The following ANKRD50 variants were observed in gnomAD, a reference collection of about 807,000 sequenced individuals.
ANKRD50 encodes ankyrin repeat domain-containing protein 50.
In ANKRD50, 40 loss-of-function variants were observed where a neutral mutation model predicts 112.0. That is an observed-to-expected ratio of 0.36 (90% CI 0.28 to 0.46). ANKRD50 has a LOEUF of 0.46. Among genes scored for constraint, ANKRD50 ranks in the 20% least tolerant of loss-of-function variants. The pLI is 1.00. For missense variants in ANKRD50, 1,487 were observed against 1,701.7 expected, an observed-to-expected ratio of 0.87 and a Z score of 2.22; for synonymous variants, 613 against 619.1, an observed-to-expected ratio of 0.99 and a Z score of 0.15.
intron 2 of ANKRD50, among the ~76,000 whole-genome samples, chr4:124,679,502 A>T (rs1381293576): frequency 6.6e-6 from 1 of 152,184 alleles, no homozygotes; most frequent in African/African-American, 2.4e-5. Flanking sequence ...GCTTTACTCC[A>T]TTAATTAATG....
chr4:124,679,662 C>T (rs887375264), intron 2 of ANKRD50, among the ~76,000 whole-genome samples: 2 of 152,200 alleles, frequency 1.3e-5, no homozygotes, highest in Non-Finnish European at 1.5e-5. Flanking sequence ...GGACATAATC[C>T]ATCCAGTTAT....
chr4:124,678,982 T>C (rs1724811043), intron 2 of ANKRD50, 77 bp from the exon 3 acceptor site: 3 of 1,045,424 alleles, frequency 2.9e-6, no homozygotes, highest in Non-Finnish European at 4.2e-6. Flanking sequence ...AACATTAGAG[T>C]ATTAATTATA....
At chr4:124,703,903 T>G (rs1664151844) in intron 2 of ANKRD50, among the ~76,000 whole-genome samples, 1 of 151,950 alleles carries the variant, frequency 6.6e-6, no homozygotes, top group Non-Finnish European at 1.5e-5. Context: ...AGAGCAGAAG[T>G]GATTAGAGGT....
At chr4:124,683,360 T>C (rs1302565385) in intron 2 of ANKRD50, among the ~76,000 whole-genome samples, 1 of 151,902 alleles carries the variant, frequency 6.6e-6, no homozygotes, top group Non-Finnish European at 1.5e-5. Context: ...TGTGATATTT[T>C]GATACCTACA....
chr4:124,671,704 CTCTT>C lies in ANKRD50; in HGVS notation c.1569_1572del (p.Glu525IlefsTer7). On this transcript the variant is annotated frameshift_variant, in exon 4 of 5. Coordinates refer to ENST00000504087, the MANE Select transcript of ANKRD50 (RefSeq NM_020337.3). LOFTEE classifies it high-confidence loss of function. ...TCTAATAATGTCCGAATGGAATCCT[CTCTT>C]TCTAAGGCTTGTCGAACTATGCATG... is the stretch of plus-strand genomic sequence containing the variant. 6.2e-7 allele frequency: 1 copy of C among 1,613,856 alleles called. No individual in the cohort carries two copies.
intron 2 of ANKRD50, among the ~76,000 whole-genome samples, chr4:124,704,155 G>A (rs956541914): frequency 6.6e-6 from 1 of 152,132 alleles, no homozygotes; most frequent in Non-Finnish European, 1.5e-5. Flanking sequence ...AACATGTAAA[G>A]TTTTGATTAT....
chr4:124,688,382 A>G (rs1725053573), intron 2 of ANKRD50, among the ~76,000 whole-genome samples: 1 of 152,146 alleles, frequency 6.6e-6, no homozygotes, highest in African/African-American at 2.4e-5. Context: ...AGTTTACTAA[A>G]AAGGACAGCA....
At chr4:124,688,755 C>T (rs938862071) in intron 2 of ANKRD50, among the ~76,000 whole-genome samples, 20 of 152,132 alleles carry the variant, frequency 1.3e-4, no homozygotes, top group African/African-American at 4.8e-4. Flanking sequence ...CGAAGCCCAT[C>T]TAAACCTACT....
At chr4:124,687,441 G>T (rs757184332) in intron 2 of ANKRD50, among the ~76,000 whole-genome samples, 24 of 151,600 alleles carry the variant, frequency 1.6e-4, no homozygotes, top group Non-Finnish European at 1.9e-4. Flanking sequence ...ACTTTTAGGA[G>T]AAAATCTTTG....
Position 124,670,522 on chromosome 4 carries a change from C to A in ANKRD50, c.2755G>T (p.Val919Phe), listed in dbSNP as rs778976441. The change falls in exon 4 of 5, where the codon GTT (valine) becomes TTT (phenylalanine). Residue 919 changes from valine to phenylalanine, a missense_variant. This residue lies in a region of ANKRD50 where 1,046 missense variants were observed against 1,269.5 expected (regional missense o/e 0.82). Transcript: ENST00000504087. ...TCCCTGTGCCCTTCTAATGCAGCAA[C>A]CCGCAGTGCATTTCTTCCATCATAA... ...RGYDGRNALR[V>F]AALEGHRDIV... 2 of 1,613,518 alleles carry A rather than the reference C, an allele frequency of 1.2e-6. No individual in the cohort carries two copies. Among genetic ancestry groups the A allele is most frequent in the African/African-American group, 1.3e-5 (1 of 74,970 alleles).
chr4:124,678,798 G>A lies in ANKRD50; in HGVS notation c.620C>T (p.Ser207Phe). ...GCNITEGEQT[S>F]TSLSGTVAAL... ...TGCAACAGTCCCAGATAAGCTGGTAGACGTTTGTTCACCTTCAGTAATGTT... is the reference window on the plus strand; with the variant it reads ...TGCAACAGTCCCAGATAAGCTGGTAAACGTTTGTTCACCTTCAGTAATGTT... Residue 207 changes from serine to phenylalanine, a missense_variant, in exon 3 of 5, where the codon TCT (serine) becomes TTT (phenylalanine). Ser to Phe is a radical substitution (Grantham distance 155, BLOSUM62 -2). Coordinates refer to ENST00000504087, the MANE Select transcript of ANKRD50 (RefSeq NM_020337.3). 6.2e-7 allele frequency: 1 copy of A among 1,613,886 alleles called. No individual in the cohort carries two copies. Among genetic ancestry groups the A allele is most frequent in the Non-Finnish European group, 8.5e-7 (1 of 1,179,824 alleles).
At position 124,670,910 on chromosome 4, in the gene ANKRD50, C is replaced by T. The variant is rs10018651; in HGVS notation, c.2367G>A (p.Ala789=). The T allele has an allele frequency of 3.0e-5, 49 of 1,613,522 alleles. No individual in the cohort carries two copies. The highest frequency in any genetic ancestry group is 1.7e-4 in the Admixed American group (10 of 59,934). ...NNGRTPLLAA[A]SMGHASVVNT... is the part of the protein sequence containing the mutation. ...TTACAACTGATGCATGACCCATAGA[C>T]GCTGCTGCTAAGAGGGGTGTACGGC... Residue 789 remains alanine (A), a synonymous_variant, in exon 4 of 5, where the codon GCG becomes GCA. Coordinates refer to ENST00000504087, the MANE Select transcript of ANKRD50 (RefSeq NM_020337.3).
intron 2 of ANKRD50, among the ~76,000 whole-genome samples, chr4:124,686,179 T>C (rs1725003731): frequency 6.6e-6 from 1 of 152,304 alleles, no homozygotes; most frequent in Admixed American, 6.5e-5. Flanking sequence ...TATTAGATAA[T>C]AGATGAACAG....
At chr4:124,684,963 G>T (rs1338671117) in intron 2 of ANKRD50, among the ~76,000 whole-genome samples, 1 of 152,128 alleles carries the variant, frequency 6.6e-6, no homozygotes, top group Non-Finnish European at 1.5e-5. Flanking sequence ...TCGCCAGGCA[G>T]TACTTCTTAT....
chr4:124,668,865 C>T, intron 4 of ANKRD50, 119 bp downstream of exon 4: 1 of 913,146 alleles, frequency 1.1e-6, no homozygotes, highest in Non-Finnish European at 1.6e-6. Context: ...AGGTCTGGCC[C>T]AGATGACATC....
At position 124,672,596 on chromosome 4, in the gene ANKRD50, T is replaced by G. The variant is rs1730688765; in HGVS notation, c.743-62A>C. On this transcript the variant is annotated intron_variant, in intron 3 of 4. Coordinates refer to ENST00000504087, the MANE Select transcript of ANKRD50 (RefSeq NM_020337.3). ...AAAAGGATTATAGAAGTACCATATCTTCAAAGAGAATGTCAACATATAATA... is the reference window on the plus strand; with the variant it reads ...AAAAGGATTATAGAAGTACCATATCGTCAAAGAGAATGTCAACATATAATA... 38 of 1,174,082 alleles carry G rather than the reference T, an allele frequency of 3.2e-5. 1 individual carries two copies. The South Asian group carries it at 5.6e-4, about 17-fold the overall frequency. 72.7% of individuals were successfully genotyped at this position (1,174,082 alleles called of 1,614,324 possible). A position where few individuals can be genotyped will look rare whatever the true frequency, so the allele number is the denominator to read the frequency against.
intron 2 of ANKRD50, among the ~76,000 whole-genome samples, chr4:124,683,534 T>C (rs1724939091): frequency 6.6e-6 from 1 of 151,994 alleles, no homozygotes; most frequent in Non-Finnish European, 1.5e-5. Context: ...CTTCTATTTA[T>C]GTACCCCTTC....
At chr4:124,668,083 T>C (rs1170609688) in intron 4 of ANKRD50, among the ~76,000 whole-genome samples, 2 of 151,908 alleles carry the variant, frequency 1.3e-5, no homozygotes, top group African/African-American at 2.4e-5. Flanking sequence ...CCTAATAAAA[T>C]CTTCAGATTT....
At position 124,672,330 on chromosome 4, in the gene ANKRD50, T is replaced by G. The variant is rs1266599443; in HGVS notation, c.947A>C (p.Asn316Thr). The change falls in exon 4 of 5, where the codon AAT becomes ACT. Residue 316 changes from asparagine to threonine, a missense_variant. By Grantham distance (65) the Asn-to-Thr change is moderately conservative (BLOSUM62 0). Transcript: ENST00000504087. ...ACGAATTTCTCTTAACATAATAAAA[T>G]TTTCTACAACTCCATCTAAAACTCG... The part of the protein sequence containing the change: ...LERVLDGVVE[N>T]FIMLREIRDI... The G allele has an allele frequency of 6.2e-7, 1 of 1,613,252 alleles. No individual in the cohort carries two copies. Among genetic ancestry groups the G allele is most frequent in the Non-Finnish European group, 8.5e-7 (1 of 1,179,762 alleles).
Sources: allele counts gnomAD v4.1 joint callset (sites outside exome capture counted in the v4.1 genomes callset), GRCh38; gene constraint gnomAD v4.1.1; regional missense constraint gnomAD v4.1.1; transcripts MANE v1.5; gene names NCBI Gene and HGNC (gene_info 2026-07-23, HGNC 2026-07-21).